Variants in POC1A observed in about 807,000 individuals in gnomAD.
The protein encoded by POC1A is POC1 centriolar protein homolog A.
Under a neutral mutation model 47.8 loss-of-function variants are expected in POC1A, and 34 were observed. The observed-to-expected ratio is 0.71, with a 90% CI of 0.54 to 0.95. POC1A has a LOEUF of 0.95. POC1A is among the 40% of genes least tolerant of loss of function. The pLI is 0.00. For missense variants in POC1A, 466 were observed against 528.3 expected (o/e 0.88, Z 1.16); for synonymous variants, 177 against 207.6 (o/e 0.85, Z 1.27).
In POC1A at chr3:52,076,490, G is replaced by A. The variant is rs1407784558; in HGVS notation, c.1126-505C>T. ...CCTCACACCTGGAAGAGCCTCCCAG[G>A]CTGGCAGGGGACAAAGGCAGGGAGG... On this transcript the variant is annotated intron_variant, in intron 10 of 10. Transcript: ENST00000296484. Among the ~76,000 whole-genome samples the A allele has an allele frequency of 8.5e-5, 13 of 152,166 alleles. No homozygotes were observed. The East Asian group carries it at 2.3e-3, about 27-fold the overall frequency.
intron 10 of POC1A, among the ~76,000 whole-genome samples, chr3:52,087,008 T>C (rs2106943405): frequency 6.6e-6 from 1 of 152,252 alleles, no homozygotes; most frequent in Middle Eastern, 3.4e-3. Flanking sequence ...AAAGGGCAGG[T>C]CTAATCTAGG....
chr3:52,103,160 A>G (rs1703055936), intron 9 of POC1A, among the ~76,000 whole-genome samples: 1 of 152,254 alleles, frequency 6.6e-6, no homozygotes, highest in East Asian at 1.9e-4. Context: ...ATGCAAAAAA[A>G]TGAACTTCGG....
chr3:52,122,713 C>T (rs796627351), intron 8 of POC1A, among the ~76,000 whole-genome samples: 36 of 152,364 alleles, frequency 2.4e-4, no homozygotes, highest in African/African-American at 8.2e-4. Context: ...CGGCGTGGCA[C>T]CGCCAGGCCT....
chr3:52,083,462 C>T (rs1702364933), intron 10 of POC1A, among the ~76,000 whole-genome samples: 2 of 152,152 alleles, frequency 1.3e-5, no homozygotes, highest in African/African-American at 4.8e-5. Flanking sequence ...GCTACGTGGG[C>T]TTTTCCTTTG....
intron 5 of POC1A, 145 bp downstream of exon 5, chr3:52,146,843 G>A (rs187672521): frequency 1.1e-4 from 71 of 666,894 alleles, no homozygotes; most frequent in East Asian, 9.5e-4. Flanking sequence ...GCCAGACCTC[G>A]CAAAAAGCAC....
chr3:52,089,842 T>G (rs930814153), intron 10 of POC1A, among the ~76,000 whole-genome samples: 1 of 151,918 alleles, frequency 6.6e-6, no homozygotes, highest in South Asian at 2.1e-4. Flanking sequence ...AGAGAGCCCC[T>G]GAGAGTAGTG....
chr3:52,140,578 C>T (rs1002997020), intron 6 of POC1A, among the ~76,000 whole-genome samples: 5 of 152,198 alleles, frequency 3.3e-5, no homozygotes, highest in African/African-American at 9.7e-5. Flanking sequence ...AAGAATCTCT[C>T]CCAGAAGAAG....
chr3:52,091,762 C>A (rs1270019888), intron 10 of POC1A, among the ~76,000 whole-genome samples: 2 of 152,216 alleles, frequency 1.3e-5, no homozygotes, highest in African/African-American at 4.8e-5. Context: ...CATATTGCTC[C>A]CAGGAGAACA....
At chr3:52,105,444 T>G (rs1179427423) in intron 9 of POC1A, among the ~76,000 whole-genome samples, 1 of 152,230 alleles carries the variant, frequency 6.6e-6, no homozygotes, top group Non-Finnish European at 1.5e-5. Flanking sequence ...GGCAGCCATG[T>G]CTGTCTACCT....
chr3:52,081,895 T>C (rs988058904), intron 10 of POC1A, among the ~76,000 whole-genome samples: 2 of 151,736 alleles, frequency 1.3e-5, no homozygotes, highest in Non-Finnish European at 2.9e-5. Flanking sequence ...GAACCAGAGA[T>C]AGCCACAAAG....
chr3:52,089,169 G>A (rs570696222), intron 10 of POC1A, among the ~76,000 whole-genome samples: 7 of 152,078 alleles, frequency 4.6e-5, no homozygotes, highest in African/African-American at 1.4e-4. Flanking sequence ...TGCATGTCAC[G>A]AAGGAGGCAG....
chr3:52,142,827 G>T (rs1698242109), intron 6 of POC1A, among the ~76,000 whole-genome samples: 1 of 152,114 alleles, frequency 6.6e-6, no homozygotes, highest in African/African-American at 2.4e-5. Flanking sequence ...GGGGGTGGGG[G>T]AGCCACTTGG....
intron 1 of POC1A, among the ~76,000 whole-genome samples, chr3:52,154,136 T>C (rs1049698342): frequency 3.3e-5 from 5 of 152,256 alleles, no homozygotes; most frequent in African/African-American, 1.2e-4. Context: ...GAGGCCTGTT[T>C]GTTCGCTCCA....
rs1702382620 is a variant in POC1A at position 52,084,010 on chromosome 3, C to T, written c.1126-8025G>A. On this transcript the variant is annotated intron_variant, in intron 10 of 10. Coordinates refer to ENST00000296484, the MANE Select transcript of POC1A (RefSeq NM_015426.5). The surrounding 1 kb of genome is among the most constrained non-coding windows in gnomAD (Gnocchi z 4.3). ...GAAACAGAAGGGAACAGAGAAGCCT[C>T]CACTCCCTGGCACTGCCTCACCAGG... Among the ~76,000 whole-genome samples, 1 of 152,226 alleles carries T rather than the reference C, an allele frequency of 6.6e-6. No individual in the cohort carries two copies. The highest frequency in any genetic ancestry group is 2.4e-5 in the African/African-American group (1 of 41,464).
intron 9 of POC1A, 117 bp from the exon 10 acceptor site, chr3:52,096,829 G>A (rs2106974791): frequency 2.2e-6 from 2 of 912,674 alleles, no homozygotes; most frequent in East Asian, 5.5e-5. Context: ...GAGAAGGTAA[G>A]CTCCAAGTGT....
At chr3:52,131,665 G>A (rs143224098) in intron 7 of POC1A, among the ~76,000 whole-genome samples, 6 of 152,304 alleles carry the variant, frequency 3.9e-5, no homozygotes, top group Non-Finnish European at 7.4e-5. Flanking sequence ...GCAAACCCAC[G>A]AGGGCAGCTG....
At chr3:52,139,968 A>G (rs928954658) in intron 6 of POC1A, among the ~76,000 whole-genome samples, 51 of 152,206 alleles carry the variant, frequency 3.4e-4, no homozygotes, top group African/African-American at 1.2e-3. Flanking sequence ...CAGAGGCCCA[A>G]TGAGGAAAAC....
intron 1 of POC1A, among the ~76,000 whole-genome samples, chr3:52,153,839 C>T (rs1180438395): frequency 6.6e-6 from 1 of 152,272 alleles, no homozygotes; most frequent in African/African-American, 2.4e-5. Flanking sequence ...ACTCTCCAAT[C>T]AGCCAGAGGG....
intron 7 of POC1A, among the ~76,000 whole-genome samples, chr3:52,136,071 T>G (rs1204085085): frequency 6.6e-6 from 1 of 151,868 alleles, no homozygotes; most frequent in Non-Finnish European, 1.5e-5. Context: ...TTTGTCTTCC[T>G]GAATCAGTTT....
Sources: gnomAD v4.1 joint callset for allele counts (sites outside exome capture counted in the v4.1 genomes callset) on GRCh38, gnomAD v4.1.1 for gene constraint, Gnocchi (gnomAD v3.1) non-coding constraint, MANE v1.5 for transcripts, NCBI Gene and HGNC (gene_info 2026-07-23, HGNC 2026-07-21) for gene names.